RARB: variants seen among roughly 807,000 people sequenced by gnomAD.
RARB encodes the protein retinoic acid receptor beta.
RARB carries 17 observed loss-of-function variants against 51.9 expected under a neutral mutation model. That is an observed-to-expected ratio of 0.33 (90% confidence interval 0.22 to 0.49). The LOEUF is 0.49. RARB is among the 20% of genes least tolerant of loss of function. The pLI is 0.99. For synonymous variants in RARB, 215 were observed against 195.4 expected (o/e 1.10, Z -0.84); for missense variants, 369 against 550.8 (o/e 0.67, Z 3.30).
At chr3:25,440,950 G>T (rs922370250) in intron 1 of RARB, among the ~76,000 whole-genome samples, 68 of 152,152 alleles carry the variant, frequency 4.5e-4, no homozygotes, top group African/African-American at 1.6e-3. Context: ...CGCAAATGAA[G>T]ATGGAAAAAC....
chr3:25,436,250 C>T (rs1038138042), intron 1 of RARB, among the ~76,000 whole-genome samples: 1 of 152,106 alleles, frequency 6.6e-6, no homozygotes, highest in Non-Finnish European at 1.5e-5. Context: ...GCTTGCTTTA[C>T]CTTTGATTTT....
intron 5 of RARB, among the ~76,000 whole-genome samples, chr3:25,365,312 A>C (rs1015670412): frequency 1.4e-5 from 2 of 138,332 alleles, no homozygotes; most frequent in African/African-American, 5.5e-5. Context: ...GGGTTTCACC[A>C]TGTTGCCCAG....
chr3:25,500,033 T>G (rs1697216767), intron 2 of RARB, among the ~76,000 whole-genome samples: 1 of 152,204 alleles, frequency 6.6e-6, no homozygotes. Flanking sequence ...TAGATGACAC[T>G]TCGATGGGCT....
At chr3:24,952,002 A>G (rs1391641086) in intron 2 of RARB, among the ~76,000 whole-genome samples, 2 of 152,194 alleles carry the variant, frequency 1.3e-5, no homozygotes, top group Non-Finnish European at 2.9e-5. Flanking sequence ...TATTCAAGTG[A>G]TTATTGCAAT....
At chr3:25,200,747 G>A (rs1394847866) in intron 5 of RARB, among the ~76,000 whole-genome samples, 4 of 152,056 alleles carry the variant, frequency 2.6e-5, no homozygotes, top group African/African-American at 9.7e-5. Context: ...AGATCAGATA[G>A]TTGTAGATAT....
intron 2 of RARB, among the ~76,000 whole-genome samples, chr3:25,490,170 T>C (rs1485861661): frequency 6.6e-6 from 1 of 152,212 alleles, no homozygotes; most frequent in Non-Finnish European, 1.5e-5. Flanking sequence ...TTTTCCTTTT[T>C]ACTCCAGGTT....
At chr3:25,389,544 G>A (rs972385047) in intron 5 of RARB, among the ~76,000 whole-genome samples, 3 of 152,166 alleles carry the variant, frequency 2.0e-5, no homozygotes, top group African/African-American at 7.2e-5. Context: ...ATGCTGGTCA[G>A]CTCTGCTTGG....
chr3:25,578,920 A>G (rs1241754041), intron 4 of RARB, among the ~76,000 whole-genome samples: 1 of 152,248 alleles, frequency 6.6e-6, no homozygotes, highest in Admixed American at 6.5e-5. Flanking sequence ...TACATTTGTC[A>G]GAGAACCAAA....
chr3:25,467,679 T>C (rs1282969312), intron 2 of RARB, among the ~76,000 whole-genome samples: 1 of 152,232 alleles, frequency 6.6e-6, no homozygotes, highest in Non-Finnish European at 1.5e-5. Flanking sequence ...AGTGACAAAG[T>C]CACCTTGCAA....
chr3:25,049,769 A>G (rs1363407303), intron 2 of RARB, among the ~76,000 whole-genome samples: 1 of 152,242 alleles, frequency 6.6e-6, no homozygotes, highest in Admixed American at 6.5e-5. Flanking sequence ...TGTGTTAACT[A>G]TGGATGATTC....
chr3:25,058,323 T>A (rs758995909), intron 2 of RARB, among the ~76,000 whole-genome samples: 3 of 151,890 alleles, frequency 2.0e-5, no homozygotes, highest in Non-Finnish European at 4.4e-5. Flanking sequence ...TTGTATAAAC[T>A]CCAAGTGGTG....
At chr3:25,570,492 G>T (rs935578196) in intron 4 of RARB, among the ~76,000 whole-genome samples, 1 of 152,204 alleles carries the variant, frequency 6.6e-6, no homozygotes. Context: ...CATGCCCCAT[G>T]CCCAGTTGAG....
chr3:25,338,089 A>G (rs923401963), intron 5 of RARB, among the ~76,000 whole-genome samples: 1 of 122,662 alleles, frequency 8.2e-6, no homozygotes, highest in Non-Finnish European at 1.7e-5. Flanking sequence ...CCCCCCTCCA[A>G]ACCCCCAACA....
chr3:25,331,801 G>A lies in RARB; in HGVS notation c.179-129392G>A, dbSNP rs112462336. Among the ~76,000 whole-genome samples the A allele has an allele frequency of 7.5e-3, 1,143 of 152,234 alleles. 10 individuals are homozygous for A. The highest frequency in any genetic ancestry group is 0.024 in the African/African-American group (999 of 41,536). On this transcript the variant is annotated intron_variant, in intron 5 of 11. Transcript: ENST00000383772. ...AGCAGGACTAATAAAGAAGAAAAGA[G>A]AGAAGAATCAAATAGACACAATAAA...
intron 3 of RARB, among the ~76,000 whole-genome samples, chr3:25,101,708 C>A (rs1295610487): frequency 2.0e-5 from 3 of 150,590 alleles, no homozygotes; most frequent in Non-Finnish European, 4.4e-5. Context: ...TGATTCTTTC[C>A]ATAGATGCTT....
chr3:24,935,041 A>T (rs1695521183), intron 2 of RARB, among the ~76,000 whole-genome samples: 1 of 152,266 alleles, frequency 6.6e-6, no homozygotes. Flanking sequence ...CTTTTGGACT[A>T]TGATTGCATT....
At chr3:24,891,950 G>T (rs1703387883) in intron 2 of RARB, among the ~76,000 whole-genome samples, 1 of 152,136 alleles carries the variant, frequency 6.6e-6, no homozygotes, top group Admixed American at 6.5e-5. Flanking sequence ...GGGGACAGTG[G>T]TTGAGAATTT....
chr3:25,442,116 T>TTTTATGTATTTATTTATTTA, intron 1 of RARB, among the ~76,000 whole-genome samples: 1 of 147,830 alleles, frequency 6.8e-6, no homozygotes, highest in African/African-American at 2.5e-5. Flanking sequence ...TTTATTTTAT[T>TTTTATGTATTTATTTATTTA]TTTATTTATT....
chr3:25,146,996 C>T (rs940510551), intron 4 of RARB, among the ~76,000 whole-genome samples: 13 of 152,092 alleles, frequency 8.5e-5, no homozygotes, highest in African/African-American at 2.9e-4. Context: ...GCTATGTGCT[C>T]TTGTTATTTG....
Sources: allele counts gnomAD v4.1 joint callset (sites outside exome capture counted in the v4.1 genomes callset), GRCh38; gene constraint gnomAD v4.1.1; transcripts MANE v1.5; gene names NCBI Gene and HGNC (gene_info 2026-07-23, HGNC 2026-07-21).